ADARB2: variants seen among roughly 807,000 people sequenced by gnomAD.
ADARB2 encodes adenosine deaminase RNA specific B2 (inactive).
A neutral mutation model predicts 62.2 loss-of-function variants in ADARB2; 25 were observed. The ratio of observed to expected loss-of-function variants is 0.40; its 90% CI spans 0.29 to 0.56. ADARB2 has a LOEUF of 0.56. Among genes scored for constraint, ADARB2 ranks in the 20% least tolerant of loss-of-function variants. The pLI is 0.43. For synonymous variants in ADARB2, 572 were observed against 500.8 expected, an observed-to-expected ratio of 1.14 and a Z score of -1.90; for missense variants, 1,071 against 1,077.4, an observed-to-expected ratio of 0.99 and a Z score of 0.08.
intron 1 of ADARB2, among the ~76,000 whole-genome samples, chr10:1,603,097 A>G (rs1251025000): frequency 2.6e-5 from 2 of 77,990 alleles, no homozygotes; most frequent in African/African-American, 7.6e-5. Flanking sequence ...ACATACACAC[A>G]TCAACACACA....
At chr10:1,730,601 A>G (rs1472435288) in intron 1 of ADARB2, among the ~76,000 whole-genome samples, 3 of 151,830 alleles carry the variant, frequency 2.0e-5, no homozygotes, top group African/African-American at 7.2e-5. Context: ...AAATTTCCTT[A>G]AAATCTAAGT....
At chr10:1,421,184 AG>A (rs1832849972) in intron 1 of ADARB2, among the ~76,000 whole-genome samples, 1 of 151,796 alleles carries the variant, frequency 6.6e-6, no homozygotes, top group South Asian at 2.1e-4. Flanking sequence ...CCCGGACCAA[AG>A]GGGCCCTCTG....
rs142529525 is a variant in ADARB2 at position 1,675,945 on chromosome 10, C to T, written c.100+61106G>A. 2.2e-5 allele frequency: 21 copies of T among 951,128 alleles called. No individual in the cohort carries two copies. The African/African-American group carries it at 3.4e-4, about 15-fold the overall frequency. 58.9% of individuals were successfully genotyped at this position (951,128 alleles called of 1,614,324 possible). On this transcript the variant is annotated intron_variant, in intron 1 of 9. Transcript: ENST00000381312. ...TGGGTCAGAGTTGAATCTGCTCAGA[C>T]TTGGAGCCCAGTTAGATGAAGATGT...
At chr10:1,432,898 G>A (rs1294266353) in intron 1 of ADARB2, among the ~76,000 whole-genome samples, 1 of 152,062 alleles carries the variant, frequency 6.6e-6, no homozygotes, top group Non-Finnish European at 1.5e-5. Context: ...ATCTCGCACA[G>A]CCATAGCCTC....
At chr10:1,602,218 G>C (rs185372998) in intron 1 of ADARB2, among the ~76,000 whole-genome samples, 25 of 152,328 alleles carry the variant, frequency 1.6e-4, no homozygotes, top group African/African-American at 5.3e-4. Context: ...ACTGGCACCT[G>C]CTGAATGCAC....
intron 3 of ADARB2, among the ~76,000 whole-genome samples, chr10:1,323,777 A>G (rs1230136831): frequency 6.6e-6 from 1 of 152,248 alleles, no homozygotes; most frequent in Non-Finnish European, 1.5e-5. Flanking sequence ...AAAGTAGACC[A>G]CAGACGTAAA....
At chr10:1,286,831 G>A (rs185586999) in intron 3 of ADARB2, among the ~76,000 whole-genome samples, 245 of 152,344 alleles carry the variant, frequency 1.6e-3, no homozygotes, top group African/African-American at 5.7e-3. Context: ...TTGGATGACA[G>A]TGGATGGAGG....
intron 3 of ADARB2, among the ~76,000 whole-genome samples, chr10:1,316,682 C>T (rs2131825474): frequency 6.6e-6 from 1 of 152,332 alleles, no homozygotes. Context: ...CCCTCTATTG[C>T]TGTGCCCTCC....
chr10:1,480,773 G>A (rs1292109913), intron 1 of ADARB2, among the ~76,000 whole-genome samples: 1 of 151,748 alleles, frequency 6.6e-6, no homozygotes, highest in Non-Finnish European at 1.5e-5. Context: ...TAACCAAGAA[G>A]GTAAAAGCCT....
chr10:1,421,013 C>T (rs7079958), intron 1 of ADARB2, among the ~76,000 whole-genome samples: 10,863 of 151,966 alleles, frequency 0.071, 504 homozygotes, highest in African/African-American at 0.13. Context: ...ACCTCCACTG[C>T]TCTCCATCTA....
At chr10:1,592,362 T>C (rs1833269821) in intron 1 of ADARB2, among the ~76,000 whole-genome samples, 2 of 123,412 alleles carry the variant, frequency 1.6e-5, no homozygotes, top group Admixed American at 1.6e-4. Context: ...TCTGGCATGG[T>C]CCCCTCTGTC....
intron 3 of ADARB2, among the ~76,000 whole-genome samples, chr10:1,297,999 G>A (rs1020531724): frequency 1.3e-5 from 2 of 152,218 alleles, no homozygotes; most frequent in African/African-American, 2.4e-5. Context: ...AGCCACCTGG[G>A]TGTGCTCACT....
intron 3 of ADARB2, among the ~76,000 whole-genome samples, chr10:1,278,554 A>G (rs1369346032): frequency 6.6e-6 from 1 of 151,068 alleles, no homozygotes; most frequent in African/African-American, 2.4e-5. Flanking sequence ...GTTTAGGATG[A>G]CGGCCTCCAG....
intron 1 of ADARB2, among the ~76,000 whole-genome samples, chr10:1,613,065 C>G (rs908305335): frequency 1.4e-4 from 21 of 152,194 alleles, no homozygotes; most frequent in African/African-American, 4.3e-4. Flanking sequence ...CGTAACAGAG[C>G]TTCAGAATTG....
At chr10:1,629,001 G>A (rs917056949) in intron 1 of ADARB2, among the ~76,000 whole-genome samples, 1 of 152,194 alleles carries the variant, frequency 6.6e-6, no homozygotes, top group African/African-American at 2.4e-5. Context: ...TGCCTCATGA[G>A]GGGCTTGGAG....
intron 1 of ADARB2, among the ~76,000 whole-genome samples, chr10:1,605,053 A>G (rs1054879760): frequency 2.0e-5 from 3 of 152,266 alleles, no homozygotes; most frequent in African/African-American, 7.2e-5. Flanking sequence ...TAATAGAGTT[A>G]TAGTAATAAA....
intron 1 of ADARB2, among the ~76,000 whole-genome samples, chr10:1,728,666 T>A (rs931334872): frequency 7.2e-5 from 11 of 152,238 alleles, no homozygotes; most frequent in Admixed American, 2.6e-4. Context: ...CATAAAATTA[T>A]ATGAACTCTC....
At chr10:1,439,770 TC>T (rs1305943840) in intron 1 of ADARB2, among the ~76,000 whole-genome samples, 9 of 141,480 alleles carry the variant, frequency 6.4e-5, no homozygotes, top group Admixed American at 1.4e-4. Context: ...CTCCTGAGTG[TC>T]CCCCAGGACA....
chr10:1,223,642 A>T (rs952224018), intron 6 of ADARB2, among the ~76,000 whole-genome samples: 1 of 152,136 alleles, frequency 6.6e-6, no homozygotes, highest in African/African-American at 2.4e-5. Context: ...AGGGTTGTTG[A>T]ATTTTGTCAA....
Sources: gnomAD v4.1 joint callset for allele counts (sites outside exome capture counted in the v4.1 genomes callset) on GRCh38, gnomAD v4.1.1 for gene constraint, MANE v1.5 for transcripts, NCBI Gene and HGNC (gene_info 2026-07-23, HGNC 2026-07-21) for gene names.